KIF24: variants seen among roughly 807,000 people sequenced by gnomAD.
KIF24 encodes kinesin family member 24.
KIF24 carries 81 observed loss-of-function variants against 118.9 expected under a neutral mutation model. The ratio of observed to expected loss-of-function variants is 0.68; its 90% CI spans 0.57 to 0.82. The LOEUF is 0.82. Ranked by LOEUF, KIF24 falls within the 40% of genes least tolerant of loss-of-function variation. The pLI is 0.00. For missense variants in KIF24, 1,560 were observed against 1,661.6 expected (o/e 0.94, Z 1.06); for synonymous variants, 599 against 610.0 (o/e 0.98, Z 0.27).
At position 34,318,903 on chromosome 9, in the gene KIF24, G is replaced by A. The variant is rs960266515; in HGVS notation, c.-25-7532C>T. ...TCCAAGATCAATTTCCATGACAAGC[G>A]CAGTGCGCTGCAGTCCATCCACGAG... On this transcript the variant is annotated intron_variant, in intron 1 of 12. Transcript: ENST00000402558. This position sits in a 1 kb window ranked among gnomAD's most constrained non-coding sequence, Gnocchi z 4.9. 30 of 1,584,282 alleles carry A rather than the reference G, an allele frequency of 1.9e-5. No individual in the cohort carries two copies. Among genetic ancestry groups the A allele is most frequent in the South Asian group, 4.4e-5 (4 of 90,552 alleles).
intron 1 of KIF24, chr9:34,319,229 G>C (rs1218048797): frequency 1.2e-5 from 18 of 1,512,828 alleles, no homozygotes; most frequent in Non-Finnish European, 1.2e-5. Flanking sequence ...CCACCACGTG[G>C]AGCCCCTCGA....
intron 6 of KIF24, among the ~76,000 whole-genome samples, chr9:34,276,167 C>G (rs1181422463): frequency 6.6e-6 from 1 of 152,122 alleles, no homozygotes; most frequent in South Asian, 2.1e-4. Context: ...CTTTGGGAGG[C>G]TGAGGTGGGA....
upstream of KIF24, among the ~76,000 whole-genome samples, chr9:34,330,965 A>G (rs1217601073): frequency 6.6e-6 from 1 of 151,672 alleles, no homozygotes; most frequent in African/African-American, 2.4e-5. Context: ...CGTCTCAAAA[A>G]AAAAAAGGTA....
chr9:34,261,983 G>C (rs539028308), intron 9 of KIF24, among the ~76,000 whole-genome samples: 1 of 152,158 alleles, frequency 6.6e-6, no homozygotes, highest in South Asian at 2.1e-4. Flanking sequence ...GCCCAGGCTG[G>C]AGTGCAGTGG....
chr9:34,289,439 C>A (rs2098055032), intron 5 of KIF24, among the ~76,000 whole-genome samples: 2 of 152,288 alleles, frequency 1.3e-5, no homozygotes, highest in East Asian at 3.9e-4. Flanking sequence ...GGAGGCTCAG[C>A]CTCAATTCAC....
At chr9:34,264,292 T>C (rs1835202797) in intron 8 of KIF24, among the ~76,000 whole-genome samples, 1 of 150,886 alleles carries the variant, frequency 6.6e-6, no homozygotes, top group Non-Finnish European at 1.5e-5. Context: ...TAGCCGGGCA[T>C]GGTGGCACAT....
intron 6 of KIF24, among the ~76,000 whole-genome samples, chr9:34,275,124 T>G (rs906313330): frequency 6.6e-6 from 1 of 152,218 alleles, no homozygotes; most frequent in Non-Finnish European, 1.5e-5. Context: ...CTGGGCATGG[T>G]GGCTTACACC....
intron 5 of KIF24, among the ~76,000 whole-genome samples, chr9:34,288,422 A>C (rs1273237260): frequency 1.3e-5 from 2 of 151,898 alleles, no homozygotes; most frequent in Non-Finnish European, 2.9e-5. Flanking sequence ...CAGGAGGATG[A>C]AGCTGCAGTG....
intron 1 of KIF24, among the ~76,000 whole-genome samples, chr9:34,313,727 C>T (rs1837242437): frequency 6.7e-6 from 1 of 148,260 alleles, no homozygotes; most frequent in Non-Finnish European, 1.5e-5. Context: ...GTATAGCTTC[C>T]CCCGTTATCT....
chr9:34,319,399 A>T, intron 1 of KIF24: 1 of 924,588 alleles, frequency 1.1e-6, no homozygotes, highest in Non-Finnish European at 1.8e-6. Context: ...GACAAGAACA[A>T]GGCAAACTTG....
chr9:34,300,518 C>A (rs528197978), intron 3 of KIF24, among the ~76,000 whole-genome samples: 135 of 151,940 alleles, frequency 8.9e-4, no homozygotes, highest in African/African-American at 3.0e-3. Flanking sequence ...ACAGTGCCCA[C>A]CACCATGCCC....
intron 6 of KIF24, among the ~76,000 whole-genome samples, chr9:34,284,729 G>A (rs7028914): frequency 0.22 from 33,502 of 151,982 alleles, 4,236 homozygotes; most frequent in East Asian, 0.56. Flanking sequence ...AGGATAATAG[G>A]GGGGTGTTAT....
upstream of KIF24, among the ~76,000 whole-genome samples, chr9:34,333,667 A>G (rs1399451912): frequency 6.6e-6 from 1 of 151,162 alleles, no homozygotes; most frequent in East Asian, 1.9e-4. Flanking sequence ...AAAAAAAAAA[A>G]AAAAAGGACT....
intron 3 of KIF24, among the ~76,000 whole-genome samples, chr9:34,299,062 CT>C (rs1836593596): frequency 1.3e-5 from 2 of 151,940 alleles, no homozygotes; most frequent in South Asian, 4.2e-4. Flanking sequence ...ATATATCATT[CT>C]TATGTTGGTA....
At position 34,255,738 on chromosome 9, in the gene KIF24, GCTTGCTC is replaced by G. The variant is rs1834804312; in HGVS notation, c.3862_3868del (p.Glu1288ArgfsTer26). ...TTAGGGAAAGTGTCCAACTTACTGCGCTTGCTCCAGGGTGGGCTGACGGAGTGTCCCT... is the reference window on the plus strand; with the variant it reads ...TTAGGGAAAGTGTCCAACTTACTGCGCAGGGTGGGCTGACGGAGTGTCCCT... On this transcript the variant is annotated frameshift_variant, in exon 11 of 13. Transcript: ENST00000402558. LOFTEE classifies it high-confidence loss of function. The G allele has an allele frequency of 6.2e-7, 1 of 1,607,764 alleles. No individual in the cohort carries two copies. The highest frequency in any genetic ancestry group is 8.5e-7 in the Non-Finnish European group (1 of 1,176,540).
In KIF24 at chr9:34,257,341, G is replaced by A. The variant is rs1587908553; in HGVS notation, c.2266C>T (p.His756Tyr). Residue 756 changes from histidine to tyrosine, a missense_variant, in exon 11 of 13, where the codon CAT becomes TAT. By Grantham distance (83) the His-to-Tyr change is moderately conservative (BLOSUM62 2). This residue lies in a region of KIF24 where 964 missense variants were observed against 988.0 expected (regional missense o/e 0.98). Transcript: ENST00000402558. ...AGATGTTCCTCCCTCTCCTTCTGAT[G>A]TGGCGGGATGTTTGTCCAAGCTTCA... Reference protein sequence around the residue: ...ASEAWTNIPPHQKEREEHLRF... With the variant: ...ASEAWTNIPPYQKEREEHLRF... 1 of 1,614,082 alleles carries A rather than the reference G, an allele frequency of 6.2e-7. No individual in the cohort carries two copies. The highest frequency in any genetic ancestry group is 8.5e-7 in the Non-Finnish European group (1 of 1,179,906).
intron 8 of KIF24, among the ~76,000 whole-genome samples, chr9:34,267,791 T>C (rs1463089823): frequency 1.3e-5 from 2 of 152,208 alleles, no homozygotes; most frequent in Non-Finnish European, 2.9e-5. Flanking sequence ...TTGCCACATG[T>C]GGCTGGTGGC....
At position 34,256,409 on chromosome 9, in the gene KIF24, A is replaced by G; in HGVS notation, c.3198T>C (p.Pro1066=). ...CATCCTGGACCAGCTGCTCCGAGGG[A>G]GGAGACCCTTCGTTGTCTGGGTTCT... ...LLENPDNEGS[P]PSEQLVQDGA... Residue 1066 remains proline (P), a synonymous_variant, in exon 11 of 13, where the codon CCT becomes CCC. Coordinates refer to ENST00000402558, the MANE Select transcript of KIF24 (RefSeq NM_194313.4). 1 of 1,613,928 alleles carries G rather than the reference A, an allele frequency of 6.2e-7. No individual in the cohort carries two copies. Among genetic ancestry groups the G allele is most frequent in the Non-Finnish European group, 8.5e-7 (1 of 1,179,896 alleles).
At chr9:34,265,105 C>T (rs886871773) in intron 8 of KIF24, among the ~76,000 whole-genome samples, 2 of 152,238 alleles carry the variant, frequency 1.3e-5, no homozygotes, top group Non-Finnish European at 1.5e-5. Flanking sequence ...GGGATGGAAA[C>T]TATACTTCTT....
Sources: allele counts gnomAD v4.1 joint callset (sites outside exome capture counted in the v4.1 genomes callset), GRCh38; gene constraint gnomAD v4.1.1; regional missense constraint gnomAD v4.1.1; non-coding constraint Gnocchi (gnomAD v3.1); transcripts MANE v1.5; gene names NCBI Gene and HGNC (gene_info 2026-07-23, HGNC 2026-07-21).